The following AHI1 variants were observed in gnomAD, a reference collection of about 807,000 sequenced individuals.
AHI1 encodes Abelson helper integration site 1, also known as jouberin.
Under a neutral mutation model 149.3 loss-of-function variants are expected in AHI1, and 123 were observed. That is an observed-to-expected ratio of 0.82 (90% CI 0.71 to 0.96). AHI1 has a LOEUF of 0.96. Among genes scored for constraint, AHI1 ranks in the 40% least tolerant of loss-of-function variants. AHI1 has a pLI of 0.00. For missense variants in AHI1, 1,439 were observed against 1,422.7 expected (o/e 1.01, Z -0.18); for synonymous variants, 475 against 459.8 (o/e 1.03, Z -0.42).
chr6:135,489,814 A>G (rs1794989904), intron 5 of AHI1: 1 of 179,716 alleles, frequency 5.6e-6, no homozygotes, highest in Non-Finnish European at 1.2e-5. Context: ...AGAATACTAA[A>G]ATGAACAGGT....
chr6:135,348,137 ATGAAACTTGG>A (rs1791532637), intron 24 of AHI1, among the ~76,000 whole-genome samples: 2 of 152,296 alleles, frequency 1.3e-5, no homozygotes, highest in Non-Finnish European at 2.9e-5. Flanking sequence ...TCACAAGAAG[ATGAAACTTGG>A]TGAACTCACA....
chr6:135,481,155 C>T (rs554129966), intron 5 of AHI1, among the ~76,000 whole-genome samples: 2 of 152,310 alleles, frequency 1.3e-5, no homozygotes, highest in East Asian at 1.9e-4. Context: ...TGCCTTGGGA[C>T]TGTAGAGTCC....
chr6:135,302,722 G>A, intron 26 of AHI1: 2 of 1,268,836 alleles, frequency 1.6e-6, no homozygotes, highest in South Asian at 1.3e-5. Flanking sequence ...TCATTCCTTG[G>A]TCTCAGCAGC....
rs1227775795 is a variant in AHI1 at position 135,433,084 on chromosome 6, C to A, written c.2209G>T (p.Val737Phe). 1 of 1,613,652 alleles carries A rather than the reference C, an allele frequency of 6.2e-7. No homozygotes were observed. The highest frequency in any genetic ancestry group is 8.5e-7 in the Non-Finnish European group (1 of 1,179,722). ...CTTTTGTGAACATCAAACTGTCGGA[C>A]CAATATGGCAGAATCTTCTCTCATC... ...VEMREDSAIL[V>F]RQFDVHKSFI... The change falls in exon 16 of 29, where the codon GTC becomes TTC. Residue 737 changes from valine (V) to phenylalanine (F), a missense_variant. Physicochemically the swap from Val to Phe is conservative, Grantham distance 50. Coordinates refer to ENST00000265602, the MANE Select transcript of AHI1 (RefSeq NM_001134831.2).
chr6:135,322,730 G>A (rs1187088292), intron 25 of AHI1, among the ~76,000 whole-genome samples: 1 of 152,190 alleles, frequency 6.6e-6, no homozygotes, highest in Non-Finnish European at 1.5e-5. Context: ...ACAACTTATT[G>A]TAGTTTTGTT....
chr6:135,429,744 C>A, intron 18 of AHI1, 138 bp downstream of exon 18: 3 of 474,826 alleles, frequency 6.3e-6, no homozygotes, highest in Non-Finnish European at 1.1e-5. Context: ...AAAAAAAAAT[C>A]TCCAGATACT....
chr6:135,425,988 T>C (rs1270287858), intron 20 of AHI1, among the ~76,000 whole-genome samples: 3 of 151,890 alleles, frequency 2.0e-5, no homozygotes, highest in African/African-American at 7.2e-5. Flanking sequence ...GAAATAACTG[T>C]GCTGCCTATT....
intron 23 of AHI1, among the ~76,000 whole-genome samples, chr6:135,361,712 C>A (rs1286094373): frequency 6.6e-6 from 1 of 150,702 alleles, no homozygotes; most frequent in Non-Finnish European, 1.5e-5. Context: ...TATTTATACT[C>A]TAAAGGAATA....
At chr6:135,291,250 T>C (rs2128340143) in intron 27 of AHI1, among the ~76,000 whole-genome samples, 1 of 152,244 alleles carries the variant, frequency 6.6e-6, no homozygotes, top group Non-Finnish European at 1.5e-5. Flanking sequence ...AATTTCAAAA[T>C]CAGGTATTAA....
chr6:135,468,068 G>A (rs1396698352), intron 5 of AHI1, among the ~76,000 whole-genome samples: 1 of 152,002 alleles, frequency 6.6e-6, no homozygotes, highest in Non-Finnish European at 1.5e-5. Context: ...TATATAAAAA[G>A]GTGATTTAAA....
At chr6:135,288,573 T>C (rs1460750782) in intron 28 of AHI1, among the ~76,000 whole-genome samples, 7 of 151,706 alleles carry the variant, frequency 4.6e-5, no homozygotes, top group Admixed American at 1.3e-4. Context: ...ATGTATATTA[T>C]ATAAACTATT....
chr6:135,496,973 T>C (rs527900128), intron 2 of AHI1, among the ~76,000 whole-genome samples: 2 of 152,342 alleles, frequency 1.3e-5, no homozygotes, highest in African/African-American at 4.8e-5. Flanking sequence ...TAACAGCAAC[T>C]GTTAATGCAA....
intron 13 of AHI1, among the ~76,000 whole-genome samples, chr6:135,445,950 G>A (rs191710182): frequency 2.6e-5 from 4 of 152,120 alleles, no homozygotes; most frequent in Admixed American, 6.5e-5. Context: ...CAGCTACTCC[G>A]GAGGCTGAGG....
Position 135,369,542 on chromosome 6 carries a change from T to C in AHI1, c.3110-11355A>G, listed in dbSNP as rs184499590. Among the ~76,000 whole-genome samples the C allele has an allele frequency of 9.4e-4, 141 of 150,732 alleles. 4 individuals are homozygous for C. Among genetic ancestry groups the C allele is most frequent in the Admixed American group, 9.3e-3 (141 of 15,198 alleles). ...AGGTTGTCTTTAATTAGAGGAAAAC[T>C]ACTAGCCCATTATTTCTTCAAATAT... is the stretch of plus-strand genomic sequence containing the variant. On this transcript the variant is annotated intron_variant, in intron 23 of 28. Transcript: ENST00000265602.
At chr6:135,419,308 T>C (rs1176138103) in intron 20 of AHI1, among the ~76,000 whole-genome samples, 1 of 152,070 alleles carries the variant, frequency 6.6e-6, no homozygotes, top group East Asian at 1.9e-4. Flanking sequence ...CTCTTGTTGG[T>C]TCCTATTCCA....
chr6:135,437,923 T>C (rs1785649412), intron 15 of AHI1, among the ~76,000 whole-genome samples: 1 of 152,172 alleles, frequency 6.6e-6, no homozygotes, highest in African/African-American at 2.4e-5. Flanking sequence ...AATGTAAATG[T>C]TTAACCAATC....
chr6:135,469,821 T>C (rs989709059), intron 5 of AHI1, among the ~76,000 whole-genome samples: 1 of 152,110 alleles, frequency 6.6e-6, no homozygotes, highest in Admixed American at 6.5e-5. Flanking sequence ...TAACTCAAGA[T>C]AACTTAAACA....
chr6:135,375,359 A>T (rs1775758431), intron 23 of AHI1, among the ~76,000 whole-genome samples: 1 of 152,216 alleles, frequency 6.6e-6, no homozygotes, highest in Admixed American at 6.5e-5. Context: ...AGTATATATC[A>T]TAAAAAGCCT....
chr6:135,393,668 T>TA (rs1562656234), intron 23 of AHI1, among the ~76,000 whole-genome samples: 6 of 152,150 alleles, frequency 3.9e-5, no homozygotes. Flanking sequence ...TTAATTATTA[T>TA]AGTGACTTGA....
Sources: allele counts gnomAD v4.1 joint callset (sites outside exome capture counted in the v4.1 genomes callset), GRCh38; gene constraint gnomAD v4.1.1; transcripts MANE v1.5; gene names NCBI Gene and HGNC (gene_info 2026-07-23, HGNC 2026-07-21).